LRRC4C: variants seen among roughly 807,000 people sequenced by gnomAD.
The protein encoded by LRRC4C is leucine-rich repeat-containing protein 4C.
LRRC4C carries 5 observed loss-of-function variants against 33.6 expected under a neutral mutation model. The ratio of observed to expected loss-of-function variants is 0.15; its 90% CI spans 0.08 to 0.31. LRRC4C has a LOEUF of 0.31. Among genes scored for constraint, LRRC4C ranks in the 10% least tolerant of loss-of-function variants. The pLI is 1.00. For synonymous variants in LRRC4C, 329 were observed against 302.0 expected, an observed-to-expected ratio of 1.09 and a Z score of -0.93; for missense variants, 560 against 796.7, an observed-to-expected ratio of 0.70 and a Z score of 3.58.
intron 1 of LRRC4C, among the ~76,000 whole-genome samples, chr11:41,202,522 C>A (rs191211983): frequency 6.6e-6 from 1 of 152,230 alleles, no homozygotes; most frequent in East Asian, 1.9e-4. Flanking sequence ...TCTTAGGAAT[C>A]TTTACATGAG....
intron 3 of LRRC4C, among the ~76,000 whole-genome samples, chr11:40,432,011 CAG>C (rs1565381563): frequency 6.6e-6 from 1 of 152,190 alleles, no homozygotes; most frequent in Non-Finnish European, 1.5e-5. Flanking sequence ...CTCAACAAGA[CAG>C]AGACTGGTGT....
chr11:41,417,166 C>T (rs781125764), intron 1 of LRRC4C, among the ~76,000 whole-genome samples: 34 of 151,940 alleles, frequency 2.2e-4, no homozygotes, highest in African/African-American at 3.6e-4. Context: ...ACTGTTACTG[C>T]GATGCTAGCA....
chr11:41,287,725 C>T (rs2922037), intron 1 of LRRC4C, among the ~76,000 whole-genome samples: 120,690 of 152,126 alleles, frequency 0.79, 48,472 homozygotes, highest in Admixed American at 0.86. Flanking sequence ...CTGCTCCAAA[C>T]ATTACTTTCC....
chr11:41,265,616 G>A (rs1949123659), intron 1 of LRRC4C, among the ~76,000 whole-genome samples: 1 of 152,024 alleles, frequency 6.6e-6, no homozygotes, highest in Admixed American at 6.6e-5. Flanking sequence ...AAAAAGAGAT[G>A]GGGAAAAACC....
chr11:40,801,140 A>G (rs934388899), intron 2 of LRRC4C, among the ~76,000 whole-genome samples: 1 of 152,222 alleles, frequency 6.6e-6, no homozygotes, highest in Non-Finnish European at 1.5e-5. Context: ...AAACAAATGT[A>G]GATATACCTA....
chr11:40,584,243 C>T (rs1173476238), intron 3 of LRRC4C, among the ~76,000 whole-genome samples: 1 of 135,552 alleles, frequency 7.4e-6, no homozygotes, highest in Non-Finnish European at 1.6e-5. Flanking sequence ...TGTGCACTGC[C>T]AAGCGTATGT....
intron 1 of LRRC4C, among the ~76,000 whole-genome samples, chr11:41,176,883 T>C (rs1201213178): frequency 6.6e-6 from 1 of 152,072 alleles, no homozygotes; most frequent in Non-Finnish European, 1.5e-5. Context: ...AAGAATTGCT[T>C]GAACCTAGGA....
At chr11:41,373,333 C>T (rs1952821982) in intron 1 of LRRC4C, among the ~76,000 whole-genome samples, 1 of 152,120 alleles carries the variant, frequency 6.6e-6, no homozygotes, top group Non-Finnish European at 1.5e-5. Context: ...CAGACATGCA[C>T]ATTTATGCAC....
At chr11:40,790,160 C>T (rs552277103) in intron 2 of LRRC4C, among the ~76,000 whole-genome samples, 6 of 152,178 alleles carry the variant, frequency 3.9e-5, no homozygotes, top group East Asian at 3.9e-4. Flanking sequence ...GAAAATATTT[C>T]GTAAGTGGAT....
At chr11:40,832,263 A>C (rs1276676016) in intron 2 of LRRC4C, among the ~76,000 whole-genome samples, 1 of 152,170 alleles carries the variant, frequency 6.6e-6, no homozygotes, top group African/African-American at 2.4e-5. Flanking sequence ...ATATAATCTT[A>C]TGGGATGTCC....
chr11:41,058,387 G>A (rs561185488), intron 1 of LRRC4C, among the ~76,000 whole-genome samples: 1 of 152,314 alleles, frequency 6.6e-6, no homozygotes, highest in East Asian at 1.9e-4. Flanking sequence ...TGTGTGCAGT[G>A]GCTGGAACTC....
intron 3 of LRRC4C, among the ~76,000 whole-genome samples, chr11:40,449,303 C>A (rs1951784278): frequency 6.7e-6 from 1 of 149,544 alleles, no homozygotes; most frequent in Non-Finnish European, 1.5e-5. Context: ...TTTCTTTTTG[C>A]TACTCACTTA....
intron 3 of LRRC4C, among the ~76,000 whole-genome samples, chr11:40,633,653 G>A (rs2136039721): frequency 6.6e-6 from 1 of 152,112 alleles, no homozygotes; most frequent in East Asian, 1.9e-4. Context: ...GCCTCCCAAA[G>A]TGCTGGGATT....
chr11:41,107,970 AGAGGG>A (rs1256634202), intron 1 of LRRC4C, among the ~76,000 whole-genome samples: 1 of 38,042 alleles, frequency 2.6e-5, no homozygotes, highest in Non-Finnish European at 8.5e-5. Context: ...GGGAGAGGGG[AGAGGG>A]GAGAGGGGAG....
chr11:40,565,329 C>T (rs1426067730), intron 3 of LRRC4C, among the ~76,000 whole-genome samples: 2 of 152,148 alleles, frequency 1.3e-5, no homozygotes, highest in Non-Finnish European at 2.9e-5. Flanking sequence ...TTTAAAAAAG[C>T]TGGTATAAGT....
At chr11:40,265,704 AT>A (rs771087146) in intron 4 of LRRC4C, among the ~76,000 whole-genome samples, 59 of 152,224 alleles carry the variant, frequency 3.9e-4, no homozygotes, top group Non-Finnish European at 6.6e-4. Context: ...AAGGAAAAAA[AT>A]ATCAATAAAA....
chr11:40,898,596 G>A (rs890297573), intron 2 of LRRC4C, among the ~76,000 whole-genome samples: 4 of 151,780 alleles, frequency 2.6e-5, no homozygotes, highest in African/African-American at 9.7e-5. Flanking sequence ...AAGAAAAGTT[G>A]AATCCAAACT....
At chr11:41,261,528 T>C (rs553238704) in intron 1 of LRRC4C, among the ~76,000 whole-genome samples, 2 of 152,160 alleles carry the variant, frequency 1.3e-5, no homozygotes, top group Non-Finnish European at 1.5e-5. Flanking sequence ...GGCTCACAGA[T>C]AGGGTGAATA....
chr11:41,432,078 G>T (rs1166743742), intron 1 of LRRC4C, among the ~76,000 whole-genome samples: 2 of 152,186 alleles, frequency 1.3e-5, no homozygotes, highest in Non-Finnish European at 2.9e-5. Context: ...ATAATTGGTA[G>T]TAATTTGCTG....
Sources: gnomAD v4.1 joint callset for allele counts (sites outside exome capture counted in the v4.1 genomes callset) on GRCh38, gnomAD v4.1.1 for gene constraint, MANE v1.5 for transcripts, NCBI Gene and HGNC (gene_info 2026-07-23, HGNC 2026-07-21) for gene names.